The following CACNA1E variants were observed in gnomAD, a reference collection of about 807,000 sequenced individuals.
CACNA1E encodes calcium voltage-gated channel subunit alpha1 E.
A neutral mutation model predicts 259.2 loss-of-function variants in CACNA1E; 40 were observed. That is an observed-to-expected ratio of 0.15 (90% CI 0.12 to 0.20). The LOEUF (loss-of-function observed/expected upper bound fraction) is 0.20. Among genes scored for constraint, CACNA1E ranks in the 10% least tolerant of loss-of-function variants. The pLI is 1.00. For missense variants in CACNA1E, 1,874 were observed against 3,040.1 expected (o/e 0.62, Z 9.02); for synonymous variants, 1,104 against 1,138.5 (o/e 0.97, Z 0.61).
chr1:181,483,867 G>A lies in CACNA1E; in HGVS notation c.123G>A (p.Gln41=), dbSNP rs1663533205. 1 of 1,613,676 alleles carries A rather than the reference G, an allele frequency of 6.2e-7. No individual in the cohort carries two copies. Among genetic ancestry groups the A allele is most frequent in the Admixed American group, 1.7e-5 (1 of 59,994 alleles). The change falls in exon 1 of 48, where the codon CAG becomes CAA. Residue 41 remains glutamine (Q), a synonymous_variant. Coordinates refer to ENST00000367573, the MANE Select transcript of CACNA1E (RefSeq NM_001205293.3). ...CGGGGCAGGCGGCCGCCTACAAGCA[G>A]ACGAAAGCACAGAGGGCGCGGACTA... ...PASGQAAAYK[Q]TKAQRARTMA...
intron 7 of CACNA1E, among the ~76,000 whole-genome samples, chr1:181,673,697 T>C (rs1223605617): frequency 6.6e-6 from 1 of 152,160 alleles, no homozygotes; most frequent in Admixed American, 6.5e-5. Flanking sequence ...AGGACATTCC[T>C]GTCCCAACCC....
intron 1 of CACNA1E, among the ~76,000 whole-genome samples, chr1:181,405,625 C>T (rs1355041088): frequency 1.3e-5 from 2 of 152,164 alleles, no homozygotes; most frequent in African/African-American, 4.8e-5. Flanking sequence ...ATCTTCTTTC[C>T]TCCGTACCTG....
chr1:181,620,149 C>T (rs1207445679), intron 6 of CACNA1E, among the ~76,000 whole-genome samples: 1 of 152,056 alleles, frequency 6.6e-6, no homozygotes, highest in African/African-American at 2.4e-5. Context: ...TGGGGGTCAA[C>T]TGATTAGCTT....
At chr1:181,335,234 C>T (rs774429101) in intron 1 of CACNA1E, among the ~76,000 whole-genome samples, 11 of 152,204 alleles carry the variant, frequency 7.2e-5, no homozygotes, top group Non-Finnish European at 1.5e-4. Context: ...CTGAGACCCT[C>T]AGGAAAGCTG....
At chr1:181,474,672 TG>T (rs1393276225) in intron 2 of CACNA1E, among the ~76,000 whole-genome samples, 1 of 152,224 alleles carries the variant, frequency 6.6e-6, no homozygotes, top group African/African-American at 2.4e-5. Context: ...ATACTGTAGT[TG>T]ATATGGGTTT....
intron 7 of CACNA1E, among the ~76,000 whole-genome samples, chr1:181,699,985 G>A (rs971253698): frequency 1.3e-5 from 2 of 152,138 alleles, no homozygotes; most frequent in Non-Finnish European, 2.9e-5. Context: ...GCTCAGTGGT[G>A]AATTTGGGCT....
chr1:181,353,994 A>G (rs1310854328), intron 1 of CACNA1E, among the ~76,000 whole-genome samples: 1 of 152,238 alleles, frequency 6.6e-6, no homozygotes, highest in Non-Finnish European at 1.5e-5. Flanking sequence ...TTTAGTAAAC[A>G]GCCACTTCTC....
intron 25 of CACNA1E, among the ~76,000 whole-genome samples, chr1:181,743,157 G>T (rs1028150121): frequency 6.6e-6 from 1 of 152,172 alleles, no homozygotes; most frequent in Non-Finnish European, 1.5e-5. Context: ...TTATTCCGCT[G>T]CCCTGACAAC....
intron 1 of CACNA1E, among the ~76,000 whole-genome samples, chr1:181,488,655 G>C (rs1456542700): frequency 6.6e-6 from 1 of 152,186 alleles, no homozygotes; most frequent in African/African-American, 2.4e-5. Context: ...CTTGAGGATA[G>C]AGACAAAAAT....
At chr1:181,725,449 C>A (rs147863566) in intron 17 of CACNA1E, among the ~76,000 whole-genome samples, 1 of 152,162 alleles carries the variant, frequency 6.6e-6, no homozygotes. Context: ...AGTAAAATAA[C>A]GTCTGTGAAA....
chr1:181,596,560 G>GTC (rs1328576248), intron 6 of CACNA1E, among the ~76,000 whole-genome samples: 2 of 52,670 alleles, frequency 3.8e-5, no homozygotes, highest in African/African-American at 1.4e-4. Context: ...CCATGTACGT[G>GTC]TGTGTGTGTG....
Position 181,374,055 on chromosome 1 carries a change from G to T in CACNA1E, c.-14-39078G>T, listed in dbSNP as rs375557814. Among the ~76,000 whole-genome samples, 23 of 152,164 alleles carry T rather than the reference G, an allele frequency of 1.5e-4. No homozygotes were observed. In the East Asian group the frequency reaches 3.5e-3, roughly 23 times the overall value. On this transcript the variant is annotated intron_variant, in intron 1 of 11. Coordinates refer to the CACNA1E transcript ENST00000524607. ...TTTTCTTCTGCTGTCTTTGGGGTTG[G>T]TTTGCTCTTGCTTTTCTAGTTCATC...
chr1:181,345,945 G>A (rs1219074037), intron 1 of CACNA1E, among the ~76,000 whole-genome samples: 1 of 152,176 alleles, frequency 6.6e-6, no homozygotes, highest in Admixed American at 6.5e-5. Context: ...ACGTGTCCAG[G>A]GTAGTCTCCT....
chr1:181,356,261 T>C (rs1473520427), intron 1 of CACNA1E, among the ~76,000 whole-genome samples: 2 of 152,114 alleles, frequency 1.3e-5, no homozygotes, highest in East Asian at 3.9e-4. Flanking sequence ...TTTTAGGAAG[T>C]GGAGCACGAG....
intron 17 of CACNA1E, among the ~76,000 whole-genome samples, chr1:181,725,627 T>C (rs1052215310): frequency 6.6e-6 from 1 of 152,200 alleles, no homozygotes; most frequent in East Asian, 1.9e-4. Flanking sequence ...GACACTACAA[T>C]GGGGCACTCA....
intron 2 of CACNA1E, among the ~76,000 whole-genome samples, chr1:181,434,957 T>C (rs1455514106): frequency 6.6e-6 from 1 of 152,216 alleles, no homozygotes; most frequent in East Asian, 1.9e-4. Flanking sequence ...TGTTGATAAG[T>C]GGCTTGATCT....
At chr1:181,738,217 T>C in intron 23 of CACNA1E, 150 bp from the exon 24 acceptor site, 2 of 702,956 alleles carry the variant, frequency 2.8e-6, no homozygotes. Context: ...GTCCAGCTAG[T>C]GGCTCTAATT....
intron 2 of CACNA1E, among the ~76,000 whole-genome samples, chr1:181,415,129 ATCTT>A (rs369709802): frequency 1.7e-3 from 264 of 152,294 alleles, no homozygotes; most frequent in Non-Finnish European, 3.1e-3. Context: ...CCTCCATCTT[ATCTT>A]TCTAAGAGGA....
rs186038273 is a variant in CACNA1E at position 181,667,348 on chromosome 1, T to C, written c.1055+15907T>C. ...GCAGTAGGGAAGATCACCTAGTATA[T>C]GATCCCAAGATTCAGTTGCAAATGT... On this transcript the variant is annotated intron_variant, in intron 7 of 47. Transcript: ENST00000367573. Among the ~76,000 whole-genome samples, 203 of 152,254 alleles carry C rather than the reference T, an allele frequency of 1.3e-3. 1 individual carries two copies. The highest frequency in any genetic ancestry group is 4.7e-3 in the African/African-American group (194 of 41,568).
Sources: gnomAD v4.1 joint callset for allele counts (sites outside exome capture counted in the v4.1 genomes callset) on GRCh38, gnomAD v4.1.1 for gene constraint, MANE v1.5 for transcripts, NCBI Gene and HGNC (gene_info 2026-07-23, HGNC 2026-07-21) for gene names.